VANGL1: variants seen among roughly 807,000 people sequenced by gnomAD.
VANGL1 encodes VANGL planar cell polarity protein 1.
A neutral mutation model predicts 48.4 loss-of-function variants in VANGL1; 18 were observed. The ratio of observed to expected loss-of-function variants is 0.37; its 90% CI spans 0.26 to 0.55. The LOEUF is 0.55. VANGL1 is among the 20% of genes least tolerant of loss of function. VANGL1 has a pLI of 0.81. For missense variants in VANGL1, 667 were observed against 675.8 expected, an observed-to-expected ratio of 0.99 and a Z score of 0.14; for synonymous variants, 257 against 261.8, an observed-to-expected ratio of 0.98 and a Z score of 0.18.
chr1:115,665,318 C>T (rs1652731368), intron 4 of VANGL1, among the ~76,000 whole-genome samples: 1 of 152,250 alleles, frequency 6.6e-6, no homozygotes, highest in Non-Finnish European at 1.5e-5. Context: ...TTTACCCTCT[C>T]CCAGGCTCTC....
intron 1 of VANGL1, among the ~76,000 whole-genome samples, chr1:115,650,636 A>G (rs1652103612): frequency 6.6e-6 from 1 of 152,038 alleles, no homozygotes; most frequent in Non-Finnish European, 1.5e-5. Context: ...CTTTATAATG[A>G]TCATTTTAAA....
intron 4 of VANGL1, among the ~76,000 whole-genome samples, chr1:115,676,269 G>C (rs917048469): frequency 6.6e-6 from 1 of 152,132 alleles, no homozygotes; most frequent in Admixed American, 6.5e-5. Context: ...CTCCCTATAG[G>C]TAGGTTTGAT....
chr1:115,659,057 A>C (rs1342980509), intron 2 of VANGL1, among the ~76,000 whole-genome samples: 1 of 152,210 alleles, frequency 6.6e-6, no homozygotes, highest in African/African-American at 2.4e-5. Flanking sequence ...TTCAAGTTCA[A>C]CTAGAACCTA....
intron 7 of VANGL1, among the ~76,000 whole-genome samples, chr1:115,686,824 G>A (rs951523374): frequency 9.2e-5 from 14 of 152,130 alleles, no homozygotes; most frequent in South Asian, 2.1e-4. Flanking sequence ...AGCACATCAC[G>A]TGAATTAACT....
chr1:115,664,343 G>T (rs1348521434), intron 4 of VANGL1, 75 bp downstream of exon 4: 48 of 1,560,358 alleles, frequency 3.1e-5, no homozygotes, highest in Non-Finnish European at 4.1e-5. Flanking sequence ...TAGCACGTGA[G>T]GGGTGGTGAC....
chr1:115,671,761 T>A (rs1004849422), intron 4 of VANGL1, among the ~76,000 whole-genome samples: 16 of 152,164 alleles, frequency 1.1e-4, no homozygotes, highest in Non-Finnish European at 2.4e-4. Flanking sequence ...GGCTGCATGC[T>A]CCCCAGGCAG....
At position 115,683,918 on chromosome 1, in the gene VANGL1, A is replaced by G. The variant is rs139524020; in HGVS notation, c.947-26A>G. The G allele has an allele frequency of 1.2e-3, 1,959 of 1,611,664 alleles. 7 individuals are homozygous for G. The highest frequency in any genetic ancestry group is 8.3e-3 in the Middle Eastern group (50 of 6,044). On this transcript the variant is annotated intron_variant, in intron 5 of 7. Coordinates refer to ENST00000355485, the MANE Select transcript of VANGL1 (RefSeq NM_138959.3). The stretch of plus-strand genomic sequence containing the variant: ...TTCCCACCCTCGTGGTATTAACACT[A>G]TTCTTTCACTGTCCTTTCCCCAAAG...
intron 7 of VANGL1, among the ~76,000 whole-genome samples, chr1:115,690,410 G>A (rs1653785584): frequency 6.6e-6 from 1 of 152,250 alleles, no homozygotes; most frequent in Non-Finnish European, 1.5e-5. Context: ...TGCCACTGGA[G>A]CAGAGAACTC....
At chr1:115,682,659 T>C (rs1653437861) in intron 5 of VANGL1, among the ~76,000 whole-genome samples, 162 bp downstream of exon 5, 1 of 152,188 alleles carries the variant, frequency 6.6e-6, no homozygotes, top group Admixed American at 6.5e-5. Flanking sequence ...GACACATGTT[T>C]AGAGGAATGT....
intron 3 of VANGL1, among the ~76,000 whole-genome samples, chr1:115,661,422 A>C (rs888593118): frequency 6.6e-6 from 1 of 152,026 alleles, no homozygotes; most frequent in African/African-American, 2.4e-5. Context: ...AATTTAGTAT[A>C]ATTAGAATCA....
At chr1:115,649,214 T>C (rs758137672) in intron 1 of VANGL1, among the ~76,000 whole-genome samples, 2 of 152,120 alleles carry the variant, frequency 1.3e-5, no homozygotes, top group Non-Finnish European at 2.9e-5. Context: ...TCTAGGAAAG[T>C]AGGGTAAGTC....
chr1:115,646,828 G>C (rs543786463), intron 1 of VANGL1, among the ~76,000 whole-genome samples: 1 of 152,268 alleles, frequency 6.6e-6, no homozygotes, highest in African/African-American at 2.4e-5. Flanking sequence ...AAGAGTACAG[G>C]GTACTAGAGA....
chr1:115,643,172 C>T (rs965108879), intron 1 of VANGL1, among the ~76,000 whole-genome samples: 3 of 152,196 alleles, frequency 2.0e-5, no homozygotes, highest in Non-Finnish European at 2.9e-5. Context: ...TTCTTAGACA[C>T]TTAGTCCAAA....
At chr1:115,642,709 A>G (rs1211476807) in intron 1 of VANGL1, 2 of 152,080 alleles carry the variant, frequency 1.3e-5, no homozygotes, top group Non-Finnish European at 2.9e-5. Context: ...ACAGGCAGGT[A>G]GGAGTTTACT....
At position 115,696,976 on chromosome 1, in the gene VANGL1, T is replaced by G. The variant is rs1654054010; in HGVS notation, c.*5597T>G. On this transcript the variant is annotated 3_prime_UTR_variant, in exon 8 of 8. Transcript: ENST00000355485. ...GCACTGAAATGGTATTTGGGAAGCA[T>G]TATTTGAATGTACAGTTGTTTGGTT... 6.6e-6 allele frequency: 1 copy of G among 152,238 alleles called. No individual in the cohort carries two copies. Among genetic ancestry groups the G allele is most frequent in the Non-Finnish European group, 1.5e-5 (1 of 68,038 alleles). The allele number at this position is 152,238 out of a possible 1,614,324, so 9.4% of individuals were successfully genotyped here. A position where few individuals can be genotyped will look rare whatever the true frequency, so the allele number is the denominator to read the frequency against.
chr1:115,686,370 CAAAAAAAAA>C (rs10667490), intron 7 of VANGL1, among the ~76,000 whole-genome samples: 6 of 104,938 alleles, frequency 5.7e-5, no homozygotes, highest in East Asian at 2.8e-4. Context: ...AGACTCCGTC[CAAAAAAAAA>C]AAAAAAAAAA....
intron 4 of VANGL1, among the ~76,000 whole-genome samples, chr1:115,679,578 G>A (rs1047333046): frequency 6.6e-6 from 1 of 152,254 alleles, no homozygotes; most frequent in African/African-American, 2.4e-5. Context: ...CACACTCACA[G>A]GGTGGAGGGT....
intron 2 of VANGL1, 100 bp from the exon 3 acceptor site, chr1:115,659,529 GTGTGTGTGTGTA>G: frequency 7.8e-7 from 1 of 1,282,418 alleles, no homozygotes; most frequent in Non-Finnish European, 1.1e-6. Flanking sequence ...GTGTGTGTGT[GTGTGTGTGTGTA>G]TGTAGAATTT....
chr1:115,695,289 A>G lies in VANGL1; in HGVS notation c.*3910A>G, dbSNP rs957472626. ...CTTACAGTAGCACAGAAATGTTAGCATATTTATTTAAATAGTCCTGCAGCA... is the reference window on the plus strand; with the variant it reads ...CTTACAGTAGCACAGAAATGTTAGCGTATTTATTTAAATAGTCCTGCAGCA... On this transcript the variant is annotated 3_prime_UTR_variant, in exon 8 of 8. Transcript: ENST00000355485. 3.9e-5 allele frequency: 6 copies of G among 152,762 alleles called. No homozygotes were observed. The highest frequency in any genetic ancestry group is 4.4e-5 in the Non-Finnish European group (3 of 68,032). The allele number at this position is 152,762 out of a possible 1,614,324, so 9.5% of individuals were successfully genotyped here.
Sources: allele counts gnomAD v4.1 joint callset (sites outside exome capture counted in the v4.1 genomes callset), GRCh38; gene constraint gnomAD v4.1.1; transcripts MANE v1.5; gene names NCBI Gene and HGNC (gene_info 2026-07-23, HGNC 2026-07-21).